The following CHRNB1 variants were observed in gnomAD, a reference collection of about 807,000 sequenced individuals.
CHRNB1 encodes cholinergic receptor nicotinic beta 1 subunit, also known as acetylcholine receptor subunit beta.
A neutral mutation model predicts 53.8 loss-of-function variants in CHRNB1; 47 were observed. That is an observed-to-expected ratio of 0.87 (90% CI 0.69 to 1.11). CHRNB1 has a LOEUF of 1.11. CHRNB1 is among the 50% of genes most tolerant of loss of function. The pLI, the probability that CHRNB1 is intolerant of heterozygous loss-of-function variation, is 0.00. For synonymous variants in CHRNB1, 259 were observed against 263.5 expected (o/e 0.98, Z 0.16); for missense variants, 605 against 654.9 (o/e 0.92, Z 0.83).
At position 7,445,171 on chromosome 17, in the gene CHRNB1, C is replaced by CAA. The variant is rs752322425; in HGVS notation, c.44_45insAA (p.Pro16SerfsTer52). 6.2e-6 allele frequency: 10 copies of CAA among 1,609,090 alleles called. No homozygotes were observed. Among genetic ancestry groups the CAA allele is most frequent in the Non-Finnish European group, 2.5e-6 (3 of 1,179,230 alleles). On this transcript the variant is annotated frameshift_variant, in exon 1 of 11. Coordinates refer to ENST00000306071, the MANE Select transcript of CHRNB1 (RefSeq NM_000747.3). LOFTEE classifies it high-confidence loss of function. The surrounding 1 kb of genome is among the most constrained non-coding windows in gnomAD (Gnocchi z 5.7). Reference sequence around the variant, plus strand: ...CTGATGCTGCTGGGGGCGCTGGGGGCGCCGCTCGCCCCAGGTAAGTGTAGG... The same window carrying CAA: ...CTGATGCTGCTGGGGGCGCTGGGGGCAAGCCGCTCGCCCCAGGTAAGTGTAGG...
intron 7 of CHRNB1, among the ~76,000 whole-genome samples, chr17:7,449,270 A>G (rs933349558): frequency 1.8e-4 from 27 of 151,256 alleles, no homozygotes; most frequent in African/African-American, 6.3e-4. Context: ...CGCCCGGCTA[A>G]TTTTTTGTAT....
intron 7 of CHRNB1, among the ~76,000 whole-genome samples, chr17:7,449,104 ATTTTTTT>A (rs34122873): frequency 3.0e-5 from 4 of 132,608 alleles, no homozygotes; most frequent in Non-Finnish European, 6.4e-5. Context: ...TACTCCTTTA[ATTTTTTT>A]TTTTTTTTTT....
chr17:7,447,196 C>T, intron 5 of CHRNB1, 45 bp downstream of exon 5: 2 of 1,518,036 alleles, frequency 1.3e-6, no homozygotes, highest in Non-Finnish European at 1.8e-6. Flanking sequence ...CTTACAAATC[C>T]TCCCTTTCCT....
chr17:7,451,411 G>A (rs1054749614), intron 7 of CHRNB1, among the ~76,000 whole-genome samples: 1 of 151,278 alleles, frequency 6.6e-6, no homozygotes, highest in African/African-American at 2.4e-5. Flanking sequence ...CTCCCCGGTA[G>A]CCGGGATTAC....
At chr17:7,449,969 G>A (rs529891689) in intron 7 of CHRNB1, among the ~76,000 whole-genome samples, 103 of 151,320 alleles carry the variant, frequency 6.8e-4, no homozygotes, top group African/African-American at 2.0e-3. Flanking sequence ...GCGTGAACCC[G>A]GGAGGCGGAG....
chr17:7,448,906 T>A, intron 7 of CHRNB1, 118 bp downstream of exon 7: 4 of 1,089,532 alleles, frequency 3.7e-6, no homozygotes, highest in Non-Finnish European at 5.5e-6. Flanking sequence ...GCTTCAGCAA[T>A]CCCGCCCAGG....
Position 7,447,547 on chromosome 17 carries a change from C to T in CHRNB1, c.507C>T (p.Phe169=). 1 of 1,614,182 alleles carries T rather than the reference C, an allele frequency of 6.2e-7. No homozygotes were observed. The highest frequency in any genetic ancestry group is 8.5e-7 in the Non-Finnish European group (1 of 1,180,028). Residue 169 remains phenylalanine, a synonymous_variant, in exon 6 of 11, where the codon TTC becomes TTT. Transcript: ENST00000306071. The stretch of plus-strand genomic sequence containing the variant: ...ACTGGCAGAATTGCACTATGGTGTT[C>T]AGCTCCTACAGCTACGACAGCTCGG... ...PFDWQNCTMV[F]SSYSYDSSEV... is the part of the protein sequence containing the mutation.
chr17:7,456,690 G>C lies in CHRNB1; in HGVS notation c.1473G>C (p.Thr491=). Residue 491 remains threonine (T), a synonymous_variant, in exon 11 of 11, where the codon ACG becomes ACC. Coordinates refer to ENST00000306071, the MANE Select transcript of CHRNB1 (RefSeq NM_000747.3). The part of the protein sequence containing the change: ...VGTLVIFLDA[T]YHLPPPDPFP ...CCCTAGTCATCTTCCTGGACGCCACGTACCACTTGCCCCCTCCAGACCCCT... is the reference window on the plus strand; with the variant it reads ...CCCTAGTCATCTTCCTGGACGCCACCTACCACTTGCCCCCTCCAGACCCCT... 1.9e-6 allele frequency: 3 copies of C among 1,614,134 alleles called. No homozygotes were observed. Among genetic ancestry groups the C allele is most frequent in the Middle Eastern group, 3.3e-4 (2 of 6,062 alleles).
At chr17:7,454,964 A>G (rs1909025041) in intron 8 of CHRNB1, among the ~76,000 whole-genome samples, 1 of 151,790 alleles carries the variant, frequency 6.6e-6, no homozygotes, top group African/African-American at 2.4e-5. Context: ...CACCACGCCC[A>G]GCTAATTTTT....
chr17:7,456,698 T>C lies in CHRNB1; in HGVS notation c.1481T>C (p.Leu494Ser), dbSNP rs780315164. Residue 494 changes from leucine to serine, a missense_variant, in exon 11 of 11, where the codon TTG becomes TCG. Transcript: ENST00000306071. ...LVIFLDATYH[L>S]PPPDPFP Reference sequence around the variant, plus strand: ...ATCTTCCTGGACGCCACGTACCACTTGCCCCCTCCAGACCCCTTTCCTTGA... The same window carrying C: ...ATCTTCCTGGACGCCACGTACCACTCGCCCCCTCCAGACCCCTTTCCTTGA... The C allele has an allele frequency of 1.8e-5, 29 of 1,614,176 alleles. No homozygotes were observed. Among genetic ancestry groups the C allele is most frequent in the Non-Finnish European group, 2.5e-5 (29 of 1,180,034 alleles).
chr17:7,449,912 C>T (rs964717356), intron 7 of CHRNB1, among the ~76,000 whole-genome samples: 1 of 151,496 alleles, frequency 6.6e-6, no homozygotes, highest in Non-Finnish European at 1.5e-5. Flanking sequence ...GGTGTGGTGG[C>T]GGGCGCCTGT....
intron 6 of CHRNB1, 83 bp downstream of exon 6, chr17:7,447,733 C>A (rs922259456): frequency 2.8e-5 from 42 of 1,526,642 alleles, no homozygotes; most frequent in Middle Eastern, 3.4e-4. Flanking sequence ...CAGTGATGCC[C>A]AATATAGCCC....
intron 7 of CHRNB1, among the ~76,000 whole-genome samples, chr17:7,451,550 G>A (rs1045204571): frequency 3.3e-5 from 5 of 151,882 alleles, no homozygotes; most frequent in African/African-American, 1.2e-4. Context: ...CACAGTGCTG[G>A]GATTACAGGT....
At chr17:7,446,455 A>T in intron 3 of CHRNB1, 3 of 513,834 alleles carry the variant, frequency 5.8e-6, no homozygotes, top group Non-Finnish European at 1.1e-5. Context: ...AACCTCCACA[A>T]GTGCTGAGAT....
chr17:7,456,017 G>C (rs746318554), intron 10 of CHRNB1, 76 bp downstream of exon 10: 3 of 1,264,780 alleles, frequency 2.4e-6, no homozygotes, highest in Non-Finnish European at 3.3e-6. Context: ...ACCAGCACTC[G>C]CTTTCGTTTT....
chr17:7,454,727 G>A (rs2150842572), intron 8 of CHRNB1, among the ~76,000 whole-genome samples: 2 of 150,762 alleles, frequency 1.3e-5, no homozygotes, highest in South Asian at 4.2e-4. Context: ...AATATTCTTA[G>A]GGTTAGGTAC....
At chr17:7,446,341 G>GTGTGTC (rs1483180784) in intron 3 of CHRNB1, 1 of 469,534 alleles carries the variant, frequency 2.1e-6, no homozygotes, top group Non-Finnish European at 4.0e-6. Flanking sequence ...GTGTGTGTGT[G>GTGTGTC]TGTGTGTGTG....
At chr17:7,448,370 G>A (rs113158090) in intron 6 of CHRNB1, among the ~76,000 whole-genome samples, 2 of 152,254 alleles carry the variant, frequency 1.3e-5, no homozygotes, top group African/African-American at 4.8e-5. Context: ...TGGGCAACAA[G>A]AGCAAAACTC....
At chr17:7,455,163 G>T in intron 8 of CHRNB1, 121 bp from the exon 9 acceptor site, 7 of 1,129,188 alleles carry the variant, frequency 6.2e-6, no homozygotes, top group Non-Finnish European at 8.0e-6. Flanking sequence ...CTCGTTTGTG[G>T]AAGAATATGC....
Sources: allele counts gnomAD v4.1 joint callset (sites outside exome capture counted in the v4.1 genomes callset), GRCh38; gene constraint gnomAD v4.1.1; non-coding constraint Gnocchi (gnomAD v3.1); transcripts MANE v1.5; gene names NCBI Gene and HGNC (gene_info 2026-07-23, HGNC 2026-07-21).